The following CFAP20DC variants were observed in gnomAD, a reference collection of about 807,000 sequenced individuals.
CFAP20DC encodes the protein CFAP20 domain containing.
CFAP20DC carries 84 observed loss-of-function variants against 101.7 expected under a neutral mutation model. The ratio of observed to expected loss-of-function variants is 0.83; its 90% CI spans 0.69 to 0.99. CFAP20DC has a LOEUF of 0.99. CFAP20DC is among the 50% of genes least tolerant of loss of function. The pLI, the probability that CFAP20DC is intolerant of heterozygous loss-of-function variation, is 0.00. For missense variants in CFAP20DC, 1,007 were observed against 970.3 expected (o/e 1.04, Z -0.50); for synonymous variants, 359 against 351.2 (o/e 1.02, Z -0.25).
intron 5 of CFAP20DC, among the ~76,000 whole-genome samples, chr3:58,929,742 C>A (rs1454759714): frequency 6.6e-6 from 1 of 152,224 alleles, no homozygotes; most frequent in Non-Finnish European, 1.5e-5. Flanking sequence ...CCCAGTGGAT[C>A]TGCCTACTGA....
intron 6 of CFAP20DC, among the ~76,000 whole-genome samples, chr3:58,889,698 G>A (rs1435399190): frequency 2.2e-5 from 3 of 135,964 alleles, no homozygotes; most frequent in South Asian, 2.6e-4. Context: ...AGGACCCTGC[G>A]GCCTTCCGCA....
chr3:59,025,816 A>T (rs2093882690), intron 4 of CFAP20DC, among the ~76,000 whole-genome samples: 1 of 152,180 alleles, frequency 6.6e-6, no homozygotes. Flanking sequence ...AAACACTTCC[A>T]AATATTTGTA....
At chr3:58,979,154 T>C (rs897052241) in intron 4 of CFAP20DC, among the ~76,000 whole-genome samples, 1 of 152,166 alleles carries the variant, frequency 6.6e-6, no homozygotes, top group African/African-American at 2.4e-5. Context: ...AAACCTGGCC[T>C]GCAAGTGAAA....
At chr3:58,895,774 TG>T (rs2082619920) in intron 6 of CFAP20DC, among the ~76,000 whole-genome samples, 1 of 152,170 alleles carries the variant, frequency 6.6e-6, no homozygotes, top group South Asian at 2.1e-4. Context: ...AGAGGCTTAA[TG>T]GGGAACTCAC....
chr3:58,830,612 C>G (rs2076332619), intron 14 of CFAP20DC, among the ~76,000 whole-genome samples: 1 of 152,132 alleles, frequency 6.6e-6, no homozygotes, highest in African/African-American at 2.4e-5. Flanking sequence ...TACTTAAAAC[C>G]TAACTTATCC....
At chr3:58,936,982 GATTTA>G (rs1334848367) in intron 5 of CFAP20DC, among the ~76,000 whole-genome samples, 1 of 150,688 alleles carries the variant, frequency 6.6e-6, no homozygotes, top group Non-Finnish European at 1.5e-5. Context: ...AGATAGTGTT[GATTTA>G]AAGGAAAGTA....
intron 14 of CFAP20DC, among the ~76,000 whole-genome samples, chr3:58,818,247 A>G (rs952181544): frequency 3.9e-5 from 6 of 151,982 alleles, no homozygotes; most frequent in African/African-American, 1.5e-4. Flanking sequence ...GAGCAAAATC[A>G]CCAGCTAACA....
intron 4 of CFAP20DC, among the ~76,000 whole-genome samples, chr3:58,968,544 C>T (rs1576525709): frequency 6.6e-6 from 1 of 152,034 alleles, no homozygotes; most frequent in Non-Finnish European, 1.5e-5. Context: ...CCTTTGCCCA[C>T]ACTTTAATGG....
intron 3 of CFAP20DC, among the ~76,000 whole-genome samples, chr3:58,736,024 T>C (rs1253575248): frequency 6.6e-6 from 1 of 152,158 alleles, no homozygotes; most frequent in Non-Finnish European, 1.5e-5. Context: ...TCTTGAGAAG[T>C]ACCTGACCTG....
intron 12 of CFAP20DC, chr3:58,862,277 C>T (rs989335228): frequency 6.1e-5 from 60 of 985,278 alleles, no homozygotes; most frequent in Middle Eastern, 1.0e-3. Flanking sequence ...ATTAATCAGC[C>T]AGTTTAGACC....
intron 14 of CFAP20DC, among the ~76,000 whole-genome samples, chr3:58,810,275 C>T (rs1002972132): frequency 2.0e-5 from 3 of 152,064 alleles, no homozygotes; most frequent in African/African-American, 7.2e-5. Flanking sequence ...GACCAATATC[C>T]TTGATGAACA....
At chr3:58,746,218 A>C (rs1466723738) in intron 16 of CFAP20DC, among the ~76,000 whole-genome samples, 1 of 152,216 alleles carries the variant, frequency 6.6e-6, no homozygotes, top group African/African-American at 2.4e-5. Context: ...GTATGTTTCC[A>C]AAAGTAAAAC....
chr3:58,915,777 A>G (rs562789374), intron 5 of CFAP20DC, among the ~76,000 whole-genome samples: 2 of 152,290 alleles, frequency 1.3e-5, no homozygotes, highest in South Asian at 4.1e-4. Context: ...TTGATACGAA[A>G]TACAGTTCTT....
At chr3:58,905,043 C>T (rs180909972) in intron 6 of CFAP20DC, among the ~76,000 whole-genome samples, 9 of 152,292 alleles carry the variant, frequency 5.9e-5, no homozygotes, top group Non-Finnish European at 1.3e-4. Flanking sequence ...GGGTCTATGC[C>T]TTCCAGGGCC....
rs531441258 is a variant in CFAP20DC at position 59,012,747 on chromosome 3, A to T, written c.278+26810T>A. ...GAAGGGTAAGAAAACATAGCAATTG[A>T]TCAAAGAAAAAGGAAGTAGAAATTA... On this transcript the variant is annotated intron_variant, in intron 4 of 16. Coordinates refer to ENST00000482387, the MANE Select transcript of CFAP20DC (RefSeq NM_001394063.1). 4.6e-5 allele frequency among the ~76,000 whole-genome samples: 7 copies of T among 152,328 alleles called. No homozygotes were observed. In the South Asian group the frequency reaches 1.5e-3, roughly 32 times the overall value.
intron 12 of CFAP20DC, among the ~76,000 whole-genome samples, chr3:58,851,476 T>C (rs1253765289): frequency 6.6e-6 from 1 of 152,192 alleles, no homozygotes; most frequent in African/African-American, 2.4e-5. Flanking sequence ...CCTTAACCCA[T>C]GCCCTGTTAT....
chr3:59,003,961 C>T (rs188619470), intron 4 of CFAP20DC, among the ~76,000 whole-genome samples: 3 of 152,316 alleles, frequency 2.0e-5, no homozygotes, highest in Admixed American at 2.0e-4. Flanking sequence ...GGACACTCTT[C>T]TCTTTGTGAA....
intron 13 of CFAP20DC, among the ~76,000 whole-genome samples, chr3:58,845,170 A>T (rs1330944883): frequency 6.6e-6 from 1 of 151,416 alleles, no homozygotes; most frequent in African/African-American, 2.4e-5. Context: ...ATCAGAGCAG[A>T]ACTGAAGGAA....
intron 4 of CFAP20DC, among the ~76,000 whole-genome samples, chr3:58,951,760 G>T (rs546483223): frequency 6.6e-6 from 1 of 152,080 alleles, no homozygotes; most frequent in South Asian, 2.1e-4. Context: ...CCTGTTGTGG[G>T]GTGGGGGGAG....
Sources: gnomAD v4.1 joint callset for allele counts (sites outside exome capture counted in the v4.1 genomes callset) on GRCh38, gnomAD v4.1.1 for gene constraint, MANE v1.5 for transcripts, NCBI Gene and HGNC (gene_info 2026-07-23, HGNC 2026-07-21) for gene names.